The following OSBPL11 variants were observed in gnomAD, a reference collection of about 807,000 sequenced individuals.
OSBPL11 encodes the protein oxysterol binding protein like 11, also known as oxysterol-binding protein-related protein 11.
OSBPL11 carries 33 observed loss-of-function variants against 84.4 expected under a neutral mutation model. The ratio of observed to expected loss-of-function variants is 0.39; its 90% CI spans 0.30 to 0.52. The LOEUF is 0.52. OSBPL11 is among the 20% of genes least tolerant of loss of function. The probability of loss-of-function intolerance (pLI) is 0.72; values close to 1 mark genes in which losing one functional copy is unlikely to be tolerated. For missense variants in OSBPL11, 736 were observed against 901.1 expected (o/e 0.82, Z 2.35); for synonymous variants, 276 against 310.2 (o/e 0.89, Z 1.16).
At chr3:125,558,905 CTAACAAGTTT>C (rs1936032237) in intron 8 of OSBPL11, among the ~76,000 whole-genome samples, 1 of 152,190 alleles carries the variant, frequency 6.6e-6, no homozygotes, top group South Asian at 2.1e-4. Context: ...TTCTGCATTC[CTAACAAGTTT>C]CCAGGTGATG....
chr3:125,556,572 C>T (rs1935994038), intron 8 of OSBPL11, among the ~76,000 whole-genome samples: 1 of 152,236 alleles, frequency 6.6e-6, no homozygotes, highest in Non-Finnish European at 1.5e-5. Context: ...GGACTCACAA[C>T]TTTGCCTTAT....
chr3:125,551,772 C>T (rs540681481), intron 9 of OSBPL11, among the ~76,000 whole-genome samples: 5 of 150,228 alleles, frequency 3.3e-5, no homozygotes, highest in Admixed American at 3.3e-4. Context: ...AGCGAGACTC[C>T]ATCTCAAAAA....
At chr3:125,581,814 A>G (rs960161339) in intron 2 of OSBPL11, among the ~76,000 whole-genome samples, 6 of 151,978 alleles carry the variant, frequency 3.9e-5, no homozygotes, top group Admixed American at 2.0e-4. Flanking sequence ...CTTTACAAAA[A>G]AAAATACAGA....
intron 8 of OSBPL11, among the ~76,000 whole-genome samples, chr3:125,556,484 AC>A (rs1443776655): frequency 6.6e-6 from 1 of 152,140 alleles, no homozygotes; most frequent in African/African-American, 2.4e-5. Flanking sequence ...AACTGAAAAT[AC>A]TGAGCAGCTC....
intron 1 of OSBPL11, among the ~76,000 whole-genome samples, chr3:125,585,196 T>C (rs1393288160): frequency 3.3e-5 from 5 of 152,170 alleles, no homozygotes; most frequent in Non-Finnish European, 2.9e-5. Flanking sequence ...AGTGGTGTGA[T>C]CTCAGCTCAC....
chr3:125,566,787 T>C (rs1046101936), intron 6 of OSBPL11, among the ~76,000 whole-genome samples: 3 of 151,404 alleles, frequency 2.0e-5, no homozygotes, highest in African/African-American at 7.3e-5. Flanking sequence ...TGTGTATATA[T>C]ATATATATTT....
intron 12 of OSBPL11, among the ~76,000 whole-genome samples, 161 bp from the exon 13 acceptor site, chr3:125,530,741 GC>G (rs1167176238): frequency 2.0e-5 from 3 of 152,214 alleles, no homozygotes; most frequent in African/African-American, 7.2e-5. Context: ...ATCAAACGAT[GC>G]CTGTGGTTTA....
Position 125,562,989 on chromosome 3 carries a change from A to C in OSBPL11, c.1014+709T>G, listed in dbSNP as rs939491787. ...AGTGTTATTTATAATTAAAAAAAAA[A>C]CCCTCCAAACAATCTAGATATTCAA... On this transcript the variant is annotated intron_variant, in intron 7 of 12. Coordinates refer to ENST00000296220, the MANE Select transcript of OSBPL11 (RefSeq NM_022776.5). 1.1e-4 allele frequency among the ~76,000 whole-genome samples: 16 copies of C among 151,694 alleles called. No homozygotes were observed. The South Asian group carries it at 1.7e-3, about 16-fold the overall frequency.
At chr3:125,566,817 T>C (rs1350756049) in intron 6 of OSBPL11, among the ~76,000 whole-genome samples, 4 of 151,848 alleles carry the variant, frequency 2.6e-5, no homozygotes, top group Admixed American at 1.3e-4. Flanking sequence ...TGGGGTCTCA[T>C]TCTGTCACCC....
chr3:125,585,061 T>C (rs2107611884), intron 1 of OSBPL11, among the ~76,000 whole-genome samples: 1 of 152,296 alleles, frequency 6.6e-6, no homozygotes, highest in South Asian at 2.1e-4. Context: ...ATTACAGGCA[T>C]GAGCCACAAA....
In OSBPL11 at chr3:125,594,671, T is replaced by G. The variant is rs1936652473; in HGVS notation, c.130A>C (p.Ser44Arg). Residue 44 changes from serine to arginine, a missense_variant, in exon 1 of 13, where the codon AGC becomes CGC. This residue lies in a region of OSBPL11 where 114 missense variants were observed against 104.9 expected (regional missense o/e 1.09). Transcript: ENST00000296220. ...CGGGISSSSS[S>R]RGGSAKGWQY... is the part of the protein sequence containing the mutation. ...CAGCCTTTTGCACTGCCACCGCGGC[T>G]GCTGCTGCTGCTACTGATTCCACCT... The G allele has an allele frequency of 1.2e-6, 2 of 1,611,976 alleles. No homozygotes were observed. Among genetic ancestry groups the G allele is most frequent in the African/African-American group, 2.7e-5 (2 of 74,988 alleles).
intron 3 of OSBPL11, among the ~76,000 whole-genome samples, chr3:125,579,442 AAATTT>A (rs558012785): frequency 2.7e-4 from 41 of 152,368 alleles, no homozygotes; most frequent in African/African-American, 9.4e-4. Context: ...TACACAAATT[AAATTT>A]ATCTTAACAG....
In OSBPL11 at chr3:125,552,183, T is replaced by C; in HGVS notation, c.1652A>G (p.Glu551Gly). ...TATAAAATAATTTTTCTACTTACCT[T>C]CTCCAACCATTGTCACGCCTATTGA... ...GMSIGVTMVGEGILSLLEHGE... is the reference protein window; with the variant it reads ...GMSIGVTMVGGGILSLLEHGE... The change falls in exon 9 of 13, where the codon GAA becomes GGA. Residue 551 changes from glutamate to glycine, a missense_variant and splice_region_variant. Glu to Gly is a moderately conservative substitution (Grantham distance 98). Transcript: ENST00000296220. 6.4e-7 allele frequency: 1 copy of C among 1,552,656 alleles called. No individual in the cohort carries two copies. The highest frequency in any genetic ancestry group is 1.3e-5 in the South Asian group (1 of 78,106).
rs1278671453 is a variant in OSBPL11 at position 125,582,385 on chromosome 3, G to A, written c.233+525C>T. On this transcript the variant is annotated intron_variant, in intron 2 of 12. Coordinates refer to ENST00000296220, the MANE Select transcript of OSBPL11 (RefSeq NM_022776.5). ...GGTTTGGAGAAGTCTGGCATTCTAC[G>A]TTAGCCTGTTCTATAATAGAACTTG... is the stretch of plus-strand genomic sequence containing the variant. 2.6e-5 allele frequency among the ~76,000 whole-genome samples: 4 copies of A among 152,002 alleles called. No homozygotes were observed. In the East Asian group the frequency reaches 5.8e-4, roughly 22 times the overall value.
intron 8 of OSBPL11, among the ~76,000 whole-genome samples, chr3:125,555,726 C>A (rs1318819368): frequency 2.0e-5 from 3 of 152,054 alleles, no homozygotes; most frequent in Non-Finnish European, 4.4e-5. Context: ...GCTCTGTCAC[C>A]CAGGCTGGAG....
Position 125,563,748 on chromosome 3 carries a change from C to A in OSBPL11, c.964G>T (p.Val322Leu). The change falls in exon 7 of 13, where the codon GTG becomes TTG. Residue 322 changes from valine (V) to leucine (L), a missense_variant. This residue lies in a region of OSBPL11 where 579 missense variants were observed against 717.6 expected (regional missense o/e 0.81). Coordinates refer to ENST00000296220, the MANE Select transcript of OSBPL11 (RefSeq NM_022776.5). ...ACAGGCTGCTCTTCTGGGACTGCCACCGGCTTACTCTGATCAGTTGCAAAG... is the reference window on the plus strand; with the variant it reads ...ACAGGCTGCTCTTCTGGGACTGCCAACGGCTTACTCTGATCAGTTGCAAAG... ...QPFATDQSKP[V>L]AVPEEQPVAE... The A allele has an allele frequency of 1.2e-6, 2 of 1,614,162 alleles. No homozygotes were observed. Among genetic ancestry groups the A allele is most frequent in the East Asian group, 2.2e-5 (1 of 44,876 alleles).
rs754493013 is a variant in OSBPL11, at chr3:125,563,795, T to C, written c.917A>G (p.Tyr306Cys). 2 of 1,614,216 alleles carry C rather than the reference T, an allele frequency of 1.2e-6. No homozygotes were observed. The highest frequency in any genetic ancestry group is 2.2e-5 in the East Asian group (1 of 44,886). Residue 306 changes from tyrosine to cysteine, a missense_variant, in exon 7 of 13, where the codon TAT (tyrosine) becomes TGT (cysteine). Tyr to Cys is a radical substitution (Grantham distance 194). Transcript: ENST00000296220. ...AAAGGGCTGGTCAGCTCCATTTTTA[T>C]AGTGGTTTGATAAAGATATCTTTGG... Reference protein sequence around the residue: ...LEPKISLSNHYKNGADQPFAT... With the variant: ...LEPKISLSNHCKNGADQPFAT...
At chr3:125,593,746 CCCTT>C (rs1936637654) in intron 1 of OSBPL11, among the ~76,000 whole-genome samples, 1 of 152,002 alleles carries the variant, frequency 6.6e-6, no homozygotes, top group Non-Finnish European at 1.5e-5. Context: ...TGGCTTTAAT[CCCTT>C]CCAAGTTTCA....
At chr3:125,535,577 G>C (rs940063590) in intron 11 of OSBPL11, among the ~76,000 whole-genome samples, 1 of 150,968 alleles carries the variant, frequency 6.6e-6, no homozygotes, top group Admixed American at 6.7e-5. Context: ...CCGAGTAGCT[G>C]AGACTACAGG....
Sources: gnomAD v4.1 joint callset for allele counts (sites outside exome capture counted in the v4.1 genomes callset) on GRCh38, gnomAD v4.1.1 for gene constraint, gnomAD v4.1.1 regional missense constraint, MANE v1.5 for transcripts, NCBI Gene and HGNC (gene_info 2026-07-23, HGNC 2026-07-21) for gene names.